QTRT2: variants seen among roughly 807,000 people sequenced by gnomAD.
The protein encoded by QTRT2 is queuine tRNA-ribosyltransferase accessory subunit 2.
Under a neutral mutation model 44.8 loss-of-function variants are expected in QTRT2, and 32 were observed. That is an observed-to-expected ratio of 0.71 (90% CI 0.54 to 0.96). QTRT2 has a LOEUF of 0.96. Among genes scored for constraint, QTRT2 ranks in the 40% least tolerant of loss-of-function variants. The pLI, the probability that QTRT2 is intolerant of heterozygous loss-of-function variation, is 0.00. For synonymous variants in QTRT2, 182 were observed against 187.4 expected, an observed-to-expected ratio of 0.97 and a Z score of 0.24; for missense variants, 461 against 503.1, an observed-to-expected ratio of 0.92 and a Z score of 0.80.
chr3:114,070,544 A>G, intron 5 of QTRT2, 82 bp from the exon 6 acceptor site: 2 of 1,219,736 alleles, frequency 1.6e-6, no homozygotes, highest in South Asian at 2.6e-5. Context: ...GTAAAGAAGA[A>G]TTATTGCTTT....
intron 4 of QTRT2, chr3:114,066,672 A>T (rs2076957935): frequency 6.2e-6 from 1 of 160,482 alleles, no homozygotes; most frequent in South Asian, 1.8e-4. Flanking sequence ...CAGAGAAAGG[A>T]TTCTTGAGAG....
At chr3:114,074,175 C>T (rs1222704988) in intron 6 of QTRT2, among the ~76,000 whole-genome samples, 1 of 152,180 alleles carries the variant, frequency 6.6e-6, no homozygotes, top group African/African-American at 2.4e-5. Flanking sequence ...TTGTATCACA[C>T]ATAGCCTTAT....
At position 114,085,698 on chromosome 3, in the gene QTRT2, G is replaced by A. The variant is rs952012148; in HGVS notation, c.1042G>A (p.Val348Met). 6.2e-7 allele frequency: 1 copy of A among 1,614,086 alleles called. No individual in the cohort carries two copies. Among genetic ancestry groups the A allele is most frequent in the African/African-American group, 1.3e-5 (1 of 74,934 alleles). ...GTACCAGGAGGACTTTAACCCGCTG[G>A]TGAGAGGATGTTCCTGTTACTGCTG... ...KKYQEDFNPL[V>M]RGCSCYCCKN... Residue 348 changes from valine (V) to methionine (M), a missense_variant, in exon 10 of 10, where the codon GTG becomes ATG. Transcript: ENST00000281273.
Position 114,065,854 on chromosome 3 carries a change from C to A in QTRT2, c.201-374C>A, listed in dbSNP as rs141267131. ...TATGGAAACAGAACTAAAGTTAGAT[C>A]ATTTTGTGTAATGTATATACTGACT... is the stretch of plus-strand genomic sequence containing the variant. On this transcript the variant is annotated intron_variant, in intron 3 of 9. Transcript: ENST00000281273. 9.5e-4 allele frequency among the ~76,000 whole-genome samples: 145 copies of A among 152,284 alleles called. 4 individuals are homozygous for A. The East Asian group carries it at 0.016, about 17-fold the overall frequency.
rs1453284603 is a variant in QTRT2 at position 114,076,816 on chromosome 3, G to A, written c.620G>A (p.Arg207Gln). Residue 207 changes from arginine to glutamine, a missense_variant, in exon 7 of 10, where the codon CGA becomes CAA. Coordinates refer to ENST00000281273, the MANE Select transcript of QTRT2 (RefSeq NM_024638.4). ...DVMEERLRSARETAKRPVGGF... is the reference protein window; with the variant it reads ...DVMEERLRSAQETAKRPVGGF... ...ATGGAAGAGAGGCTGAGGTCAGCAC[G>A]AGAGACAGCCAAGCGGCCTGTGGGT... 4 of 1,614,114 alleles carry A rather than the reference G, an allele frequency of 2.5e-6. No individual in the cohort carries two copies. The highest frequency in any genetic ancestry group is 1.1e-5 in the South Asian group (1 of 91,090).
intron 2 of QTRT2, 44 bp downstream of exon 2, chr3:114,057,150 G>GGT: frequency 9.3e-7 from 1 of 1,075,984 alleles, no homozygotes; most frequent in Non-Finnish European, 1.2e-6. Context: ...CCCATGGGAG[G>GGT]GTGGGACCGT....
chr3:114,072,439 C>G (rs1453545445), intron 6 of QTRT2, among the ~76,000 whole-genome samples: 2 of 152,236 alleles, frequency 1.3e-5, no homozygotes, highest in Admixed American at 1.3e-4. Context: ...TTCTGTAGAA[C>G]TGGTTCCTGA....
At chr3:114,066,188 A>G (rs368188939) in intron 3 of QTRT2, 40 bp from the exon 4 acceptor site, 115 of 1,426,186 alleles carry the variant, frequency 8.1e-5, no homozygotes, top group Non-Finnish European at 1.1e-4. Flanking sequence ...TTACAGAATG[A>G]CACATTATTA....
At chr3:114,063,494 A>G (rs2076914217) in intron 2 of QTRT2, among the ~76,000 whole-genome samples, 1 of 152,162 alleles carries the variant, frequency 6.6e-6, no homozygotes, top group African/African-American at 2.4e-5. Flanking sequence ...AATAGCTTTT[A>G]TACTATTTAT....
rs1017824867 is a variant in QTRT2, at chr3:114,076,756, G to A, written c.560G>A (p.Ser187Asn). 1.9e-6 allele frequency: 3 copies of A among 1,614,192 alleles called. No individual in the cohort carries two copies. The highest frequency in any genetic ancestry group is 2.5e-6 in the Non-Finnish European group (3 of 1,179,986). Residue 187 changes from serine to asparagine, a missense_variant, in exon 7 of 10, where the codon AGT becomes AAT. Ser to Asn is a conservative substitution (Grantham distance 46). Transcript: ENST00000281273. Reference protein sequence around the residue: ...LQEESEVLQKSVIIGVIEGGD... With the variant: ...LQEESEVLQKNVIIGVIEGGD... ...TTCTTACCTCAGGTTCTTCAGAAGAGTGTGATCATTGGAGTGATTGAAGGT... is the reference window on the plus strand; with the variant it reads ...TTCTTACCTCAGGTTCTTCAGAAGAATGTGATCATTGGAGTGATTGAAGGT...
At chr3:114,076,360 C>G (rs2077090475) in intron 6 of QTRT2, among the ~76,000 whole-genome samples, 2 of 151,982 alleles carry the variant, frequency 1.3e-5, no homozygotes, top group African/African-American at 4.8e-5. Flanking sequence ...TTTGTAGAGA[C>G]CAGGTGTCGC....
In QTRT2 at chr3:114,085,808, T is replaced by C. The variant is rs773155887; in HGVS notation, c.1152T>C (p.Phe384=). ...GAGTCCTGCTTATGATGCACAACTT[T>C]GAACACTACTTTGGGTTTTTCCATT... is the stretch of plus-strand genomic sequence containing the variant. ...LAGVLLMMHN[F]EHYFGFFHYI... Residue 384 remains phenylalanine, a synonymous_variant, in exon 10 of 10, where the codon TTT becomes TTC. Coordinates refer to ENST00000281273, the MANE Select transcript of QTRT2 (RefSeq NM_024638.4). The C allele has an allele frequency of 9.9e-6, 16 of 1,613,990 alleles. No homozygotes were observed. The highest frequency in any genetic ancestry group is 7.6e-6 in the Non-Finnish European group (9 of 1,180,032).
intron 3 of QTRT2, 67 bp from the exon 4 acceptor site, chr3:114,066,161 C>T (rs573532624): frequency 7.4e-5 from 84 of 1,137,922 alleles, no homozygotes; most frequent in Admixed American, 1.4e-4. Context: ...GAAGAGGGCT[C>T]CAGTTGTACA....
Position 114,087,036 on chromosome 3 carries a change from A to T in QTRT2, c.*1132A>T, listed in dbSNP as rs2077245240. The T allele has an allele frequency of 6.6e-6, 1 of 152,136 alleles. No individual in the cohort carries two copies. The highest frequency in any genetic ancestry group is 1.5e-5 in the Non-Finnish European group (1 of 68,028). The allele number at this position is 152,136 out of a possible 1,614,324, so 9.4% of individuals were successfully genotyped here. On this transcript the variant is annotated 3_prime_UTR_variant, in exon 10 of 10. Coordinates refer to ENST00000281273, the MANE Select transcript of QTRT2 (RefSeq NM_024638.4). Reference sequence around the variant, plus strand: ...GTGGTTATTGAATTGGTATCAGGAGATCCTGAGGCTGGTAGGGGAAGGTAA... The same window carrying T: ...GTGGTTATTGAATTGGTATCAGGAGTTCCTGAGGCTGGTAGGGGAAGGTAA...
At chr3:114,085,555 G>C (rs1208673178) in intron 9 of QTRT2, 118 bp from the exon 10 acceptor site, 3 of 868,628 alleles carry the variant, frequency 3.5e-6, no homozygotes, top group Admixed American at 1.8e-5. Context: ...GCACAGCACT[G>C]AACATTTGCC....
At chr3:114,080,101 T>G in intron 8 of QTRT2, 44 bp downstream of exon 8, 1 of 1,511,894 alleles carries the variant, frequency 6.6e-7, no homozygotes, top group Non-Finnish European at 8.9e-7. Context: ...GTTTCTTCCA[T>G]TTCCTGTTAA....
chr3:114,078,028 C>T (rs1333315395), intron 7 of QTRT2: 1 of 152,146 alleles, frequency 6.6e-6, no homozygotes, highest in East Asian at 1.9e-4. Flanking sequence ...CCAAGTACAA[C>T]TTGGAGGAAA....
chr3:114,071,624 C>A (rs1286384322), intron 6 of QTRT2, among the ~76,000 whole-genome samples: 1 of 152,048 alleles, frequency 6.6e-6, no homozygotes, highest in Non-Finnish European at 1.5e-5. Context: ...TTCAAGACTC[C>A]TTTTTTTCAT....
intron 7 of QTRT2, chr3:114,077,695 A>T (rs2077109481): frequency 2.7e-5 from 4 of 147,948 alleles, no homozygotes; most frequent in Admixed American, 2.7e-4. Context: ...AGTATATAAT[A>T]TGTGTAATTT....
Sources: gnomAD v4.1 joint callset for allele counts (sites outside exome capture counted in the v4.1 genomes callset) on GRCh38, gnomAD v4.1.1 for gene constraint, MANE v1.5 for transcripts, NCBI Gene and HGNC (gene_info 2026-07-23, HGNC 2026-07-21) for gene names.